The following ZC3H7A variants were observed in gnomAD, a reference collection of about 807,000 sequenced individuals.
The protein encoded by ZC3H7A is zinc finger CCCH domain-containing protein 7A.
In ZC3H7A, 44 loss-of-function variants were observed where a neutral mutation model predicts 125.5. That is an observed-to-expected ratio of 0.35 (90% CI 0.28 to 0.45). The LOEUF (loss-of-function observed/expected upper bound fraction) is 0.45, where lower values mean the gene tolerates loss of function less well. ZC3H7A is among the 20% of genes least tolerant of loss of function. The probability of loss-of-function intolerance (pLI) is 1.00; values close to 1 mark genes in which losing one functional copy is unlikely to be tolerated. For synonymous variants in ZC3H7A, 399 were observed against 391.2 expected (o/e 1.02, Z -0.23); for missense variants, 977 against 1,170.7 (o/e 0.83, Z 2.41).
intron 9 of ZC3H7A, among the ~76,000 whole-genome samples, chr16:11,772,425 T>C (rs943830632): frequency 3.3e-5 from 5 of 151,744 alleles, no homozygotes; most frequent in Non-Finnish European, 7.4e-5. Flanking sequence ...TATGGTATCA[T>C]ATGCTATCTA....
intron 12 of ZC3H7A, 55 bp downstream of exon 12, chr16:11,768,260 T>A: frequency 7.3e-7 from 1 of 1,362,330 alleles, no homozygotes; most frequent in Non-Finnish European, 9.6e-7. Flanking sequence ...CCTAAGAACT[T>A]TCAAGGTTAT....
chr16:11,792,201 G>T (rs1270592704), intron 1 of ZC3H7A, among the ~76,000 whole-genome samples: 2 of 152,140 alleles, frequency 1.3e-5, no homozygotes, highest in Admixed American at 1.3e-4. Context: ...ACCTGTGTCT[G>T]GCCCAAGGAG....
At chr16:11,759,530 G>A (rs1330970276) in intron 19 of ZC3H7A, 4 of 152,016 alleles carry the variant, frequency 2.6e-5, no homozygotes, top group Admixed American at 6.5e-5. Flanking sequence ...TCTTTCCCCC[G>A]TCAAACCCCA....
At chr16:11,781,329 T>G in intron 3 of ZC3H7A, 96 bp downstream of exon 3, 3 of 1,166,140 alleles carry the variant, frequency 2.6e-6, no homozygotes, top group East Asian at 2.4e-5. Flanking sequence ...CAGGCCAGAT[T>G]GGGCCCACAA....
chr16:11,796,020 C>G (rs2053431116), intron 1 of ZC3H7A, among the ~76,000 whole-genome samples: 1 of 151,946 alleles, frequency 6.6e-6, no homozygotes. Flanking sequence ...TTTGTAGAGA[C>G]AGGGGTCTCA....
chr16:11,785,797 T>G (rs2053248214), intron 1 of ZC3H7A, among the ~76,000 whole-genome samples: 1 of 152,098 alleles, frequency 6.6e-6, no homozygotes, highest in Admixed American at 6.6e-5. Flanking sequence ...TTTTTTGTAT[T>G]TTTAGTAGAG....
At chr16:11,781,095 G>T (rs564571004) in intron 3 of ZC3H7A, among the ~76,000 whole-genome samples, 2 of 151,332 alleles carry the variant, frequency 1.3e-5, no homozygotes, top group Non-Finnish European at 2.9e-5. Flanking sequence ...AAAAGAAAAA[G>T]AAAAAGAAAA....
At chr16:11,782,725 C>T (rs1567391556) in intron 1 of ZC3H7A, 1 of 165,272 alleles carries the variant, frequency 6.1e-6, no homozygotes, top group Non-Finnish European at 1.3e-5. Flanking sequence ...AAGCAATTCT[C>T]CTGTCTCAGC....
chr16:11,790,668 T>C (rs2053334925), intron 1 of ZC3H7A, among the ~76,000 whole-genome samples: 1 of 151,792 alleles, frequency 6.6e-6, no homozygotes, highest in Admixed American at 6.6e-5. Context: ...GCCTCCCGAG[T>C]AGCTGTGATT....
rs34972921 is a variant in ZC3H7A, at chr16:11,791,088, A to AACACACACACACAC, written c.-35+6022_-35+6035dup. 6.0e-4 allele frequency among the ~76,000 whole-genome samples: 81 copies of AACACACACACACAC among 136,110 alleles called. 1 individual carries two copies. The East Asian group carries it at 6.1e-3, about 10-fold the overall frequency. 89.3% of individuals were successfully genotyped at this position (136,110 alleles called of 152,430 possible). ...CCCTGTCTCTAAAATAAATTTTTAA[A>AACACACACACACAC]ACACACACACACACACACACACACA... is the stretch of plus-strand genomic sequence containing the variant. On this transcript the variant is annotated intron_variant, in intron 1 of 22. Transcript: ENST00000355758.
At chr16:11,797,076 C>CGCGCGGGGGG (rs1193251386) in intron 1 of ZC3H7A, 48 bp downstream of exon 1, 1 of 144,112 alleles carries the variant, frequency 6.9e-6, no homozygotes, top group African/African-American at 2.6e-5. Context: ...GGCGGGGGCG[C>CGCGCGGGGGG]GGGCGCGCGC....
chr16:11,761,388 T>C lies in ZC3H7A; in HGVS notation c.2319+18A>G. 6.2e-7 allele frequency: 1 copy of C among 1,610,352 alleles called. No individual in the cohort carries two copies. Among genetic ancestry groups the C allele is most frequent in the Non-Finnish European group, 8.5e-7 (1 of 1,178,088 alleles). On this transcript the variant is annotated intron_variant, in intron 19 of 22. Transcript: ENST00000355758. Reference sequence around the variant, plus strand: ...AATGCCTAATTTAAAAAAAGTGGCTTAAAAATTACGTATGTACATCAAACT... The same window carrying C: ...AATGCCTAATTTAAAAAAAGTGGCTCAAAAATTACGTATGTACATCAAACT...
At chr16:11,784,552 C>G (rs1173581318) in intron 1 of ZC3H7A, among the ~76,000 whole-genome samples, 1 of 151,940 alleles carries the variant, frequency 6.6e-6, no homozygotes, top group East Asian at 1.9e-4. Flanking sequence ...GACCCCCTAT[C>G]TCTACAAAAA....
intron 21 of ZC3H7A, among the ~76,000 whole-genome samples, chr16:11,755,886 C>T (rs533542243): frequency 2.0e-4 from 31 of 152,144 alleles, no homozygotes; most frequent in African/African-American, 6.7e-4. Flanking sequence ...AAAGAAAGGC[C>T]GGGCATGGTG....
At chr16:11,790,141 T>C (rs1367995571) in intron 1 of ZC3H7A, among the ~76,000 whole-genome samples, 1 of 151,910 alleles carries the variant, frequency 6.6e-6, no homozygotes, top group African/African-American at 2.4e-5. Context: ...ATTTGTTTAT[T>C]TTGCCAGCTA....
At chr16:11,763,234 A>C (rs1158273904) in intron 16 of ZC3H7A, 1 of 313,958 alleles carries the variant, frequency 3.2e-6, no homozygotes, top group Non-Finnish European at 5.9e-6. Flanking sequence ...CAGCCTCCCA[A>C]GTAGCTGGTA....
At position 11,770,766 on chromosome 16, in the gene ZC3H7A, T is replaced by A. The variant is rs1286819862; in HGVS notation, c.1108+17A>T. The stretch of plus-strand genomic sequence containing the variant: ...AAAATCAACTGCAATTGTTTACAAT[T>A]TAGATTTGGTTCTTACCTCGTTTGG... On this transcript the variant is annotated intron_variant, in intron 10 of 22. Transcript: ENST00000355758. The A allele has an allele frequency of 2.5e-6, 4 of 1,593,690 alleles. No homozygotes were observed. The South Asian group carries it at 4.5e-5, about 18-fold the overall frequency.
chr16:11,787,427 C>T (rs1306791468), intron 1 of ZC3H7A, among the ~76,000 whole-genome samples: 1 of 152,068 alleles, frequency 6.6e-6, no homozygotes, highest in African/African-American at 2.4e-5. Flanking sequence ...GTGAAATAAT[C>T]TCCCCCCAAC....
rs761111322 is a variant in ZC3H7A, at chr16:11,782,355, G to A, written c.-1C>T. ...TTCTCTCCTCGGACACATTGGACATGTTATCCCACACATCCACTTTCTAAA... is the reference window on the plus strand; with the variant it reads ...TTCTCTCCTCGGACACATTGGACATATTATCCCACACATCCACTTTCTAAA... On this transcript the variant is annotated 5_prime_UTR_variant, in exon 2 of 23. Coordinates refer to ENST00000355758, the MANE Select transcript of ZC3H7A (RefSeq NM_014153.4). The A allele has an allele frequency of 1.2e-6, 2 of 1,614,054 alleles. No individual in the cohort carries two copies. The highest frequency in any genetic ancestry group is 1.7e-6 in the Non-Finnish European group (2 of 1,180,012).
Sources: gnomAD v4.1 joint callset for allele counts (sites outside exome capture counted in the v4.1 genomes callset) on GRCh38, gnomAD v4.1.1 for gene constraint, MANE v1.5 for transcripts, NCBI Gene and HGNC (gene_info 2026-07-23, HGNC 2026-07-21) for gene names.